ZEB1: variants seen among roughly 807,000 people sequenced by gnomAD.
ZEB1 encodes the protein zinc finger E-box binding homeobox 1.
ZEB1 carries 21 observed loss-of-function variants against 84.9 expected under a neutral mutation model. The ratio of observed to expected loss-of-function variants is 0.25; its 90% confidence interval spans 0.18 to 0.36. The LOEUF is 0.36. Ranked by LOEUF, ZEB1 falls within the 10% of genes least tolerant of loss-of-function variation. The pLI is 1.00. For missense variants in ZEB1, 1,104 were observed against 1,330.2 expected (o/e 0.83, Z 2.65); for synonymous variants, 420 against 471.1 (o/e 0.89, Z 1.41).
chr10:31,419,501 A>C (rs1027216396), intron 1 of ZEB1, among the ~76,000 whole-genome samples: 1 of 152,150 alleles, frequency 6.6e-6, no homozygotes. Flanking sequence ...AGAATGAGTG[A>C]GTATGGGGAC....
chr10:31,366,954 T>G (rs2044629423), intron 1 of ZEB1, among the ~76,000 whole-genome samples: 1 of 152,216 alleles, frequency 6.6e-6, no homozygotes, highest in Admixed American at 6.5e-5. Flanking sequence ...GCTCAAATAT[T>G]TGATAATTGC....
At chr10:31,508,714 G>A (rs1201037487) in intron 4 of ZEB1, among the ~76,000 whole-genome samples, 2 of 152,128 alleles carry the variant, frequency 1.3e-5, no homozygotes, top group Non-Finnish European at 2.9e-5. Flanking sequence ...CAGGCCACCA[G>A]CAGAGTGCTC....
At chr10:31,386,196 T>A (rs1056372829) in intron 1 of ZEB1, among the ~76,000 whole-genome samples, 4 of 151,822 alleles carry the variant, frequency 2.6e-5, no homozygotes, top group Admixed American at 1.3e-4. Flanking sequence ...TATTTGATAT[T>A]TAATAATATA....
chr10:31,476,905 G>A lies in ZEB1; in HGVS notation c.259+15668G>A, dbSNP rs577648145. Among the ~76,000 whole-genome samples the A allele has an allele frequency of 1.1e-4, 16 of 152,052 alleles. No individual in the cohort carries two copies. The East Asian group carries it at 1.7e-3, about 17-fold the overall frequency. On this transcript the variant is annotated intron_variant, in intron 2 of 8. Coordinates refer to ENST00000424869, the MANE Select transcript of ZEB1 (RefSeq NM_001174096.2). ...CTCAAAAACTAGGCATTGAAGGAAC[G>A]TACCTAAAAATAGTAAGAATCATAT... is the stretch of plus-strand genomic sequence containing the variant.
At chr10:31,368,235 G>A (rs1245384281) in intron 1 of ZEB1, among the ~76,000 whole-genome samples, 4 of 152,058 alleles carry the variant, frequency 2.6e-5, no homozygotes, top group African/African-American at 9.7e-5. Context: ...GCTTACTGCA[G>A]CCTCGACCTC....
At chr10:31,366,512 A>G (rs1564609707) in intron 1 of ZEB1, among the ~76,000 whole-genome samples, 1 of 152,156 alleles carries the variant, frequency 6.6e-6, no homozygotes, top group Non-Finnish European at 1.5e-5. Flanking sequence ...CCAGGGTTAC[A>G]CTATCATAAC....
intron 1 of ZEB1, among the ~76,000 whole-genome samples, chr10:31,347,785 T>C (rs1248300391): frequency 6.6e-6 from 1 of 152,160 alleles, no homozygotes; most frequent in Non-Finnish European, 1.5e-5. Context: ...TCTGACAAGT[T>C]GGATTTTTAT....
intron 1 of ZEB1, among the ~76,000 whole-genome samples, chr10:31,410,176 A>G (rs1415939634): frequency 6.6e-6 from 1 of 152,182 alleles, no homozygotes; most frequent in Non-Finnish European, 1.5e-5. Flanking sequence ...GTTTTGAGTT[A>G]CGTTCCATCA....
At chr10:31,498,562 C>T (rs1290411375) in intron 3 of ZEB1, among the ~76,000 whole-genome samples, 1 of 151,924 alleles carries the variant, frequency 6.6e-6, no homozygotes, top group Non-Finnish European at 1.5e-5. Flanking sequence ...CTTACAACAA[C>T]CCTAAGAGGT....
chr10:31,502,742 T>C (rs998024953), intron 4 of ZEB1, among the ~76,000 whole-genome samples: 2 of 152,190 alleles, frequency 1.3e-5, no homozygotes, highest in African/African-American at 4.8e-5. Context: ...GTGAAATGCT[T>C]AGAACAGTGT....
intron 1 of ZEB1, among the ~76,000 whole-genome samples, chr10:31,457,901 C>T (rs897842489): frequency 6.6e-6 from 1 of 152,128 alleles, no homozygotes; most frequent in African/African-American, 2.4e-5. Flanking sequence ...CCAAGGTCAA[C>T]CAGAGAACCT....
At chr10:31,319,512 T>G in intron 1 of ZEB1, 3 of 557,076 alleles carry the variant, frequency 5.4e-6, no homozygotes, top group Non-Finnish European at 6.4e-6. Flanking sequence ...TTATGTCTCT[T>G]ACCTGGTCTC....
At chr10:31,446,200 G>C (rs1250490049) in intron 1 of ZEB1, among the ~76,000 whole-genome samples, 1 of 152,166 alleles carries the variant, frequency 6.6e-6, no homozygotes, top group African/African-American at 2.4e-5. Flanking sequence ...TAGTTTATTT[G>C]CATAGAGCTG....
In ZEB1 at chr10:31,486,694, A is replaced by G. The variant is rs1220441345; in HGVS notation, c.260-9082A>G. 2.7e-5 allele frequency among the ~76,000 whole-genome samples: 4 copies of G among 150,942 alleles called. No homozygotes were observed. In the Admixed American group the frequency reaches 2.7e-4, roughly 10 times the overall value. ...GAGTTACTTATTTTATTAAATTTTG[A>G]GAGTTCTTTAGAGTTGTAGTAAAGA... On this transcript the variant is annotated intron_variant, in intron 2 of 8. Transcript: ENST00000424869.
Position 31,510,766 on chromosome 10 carries a change from G to A in ZEB1, c.578G>A (p.Arg193His), listed in dbSNP as rs753521729. 2.4e-5 allele frequency: 38 copies of A among 1,613,566 alleles called. No individual in the cohort carries two copies. The highest frequency in any genetic ancestry group is 1.6e-4 in the Middle Eastern group (1 of 6,080). The change falls in exon 5 of 9, where the codon CGT (arginine) becomes CAT (histidine). Residue 193 changes from arginine (R) to histidine (H), a missense_variant. Arg to His is a conservative substitution (Grantham distance 29, BLOSUM62 0). This residue lies in a region of ZEB1 where 71 missense variants were observed against 119.1 expected (regional missense o/e 0.60). Coordinates refer to ENST00000424869, the MANE Select transcript of ZEB1 (RefSeq NM_001174096.2). The part of the protein sequence containing the change: ...FTSLKEHIKY[R>H]HEKNEDNFSC... ...TCTCTGAAAGAACACATTAAATATCGTCATGAAAAGAATGAAGATAACTTT... is the reference window on the plus strand; with the variant it reads ...TCTCTGAAAGAACACATTAAATATCATCATGAAAAGAATGAAGATAACTTT...
In ZEB1 at chr10:31,514,591, C is replaced by G; in HGVS notation, c.688-12C>G. 1 of 1,609,286 alleles carries G rather than the reference C, an allele frequency of 6.2e-7. No homozygotes were observed. The highest frequency in any genetic ancestry group is 8.5e-7 in the Non-Finnish European group (1 of 1,176,388). ...TTGCTTTTCAAATAAAATACCAGTT[C>G]TTTTCTTACAGAGACATGTGACGCA... On this transcript the variant is annotated splice_polypyrimidine_tract_variant and intron_variant, in intron 5 of 8. Coordinates refer to ENST00000424869, the MANE Select transcript of ZEB1 (RefSeq NM_001174096.2).
chr10:31,341,039 G>C (rs1415547377), intron 1 of ZEB1, among the ~76,000 whole-genome samples: 1 of 152,138 alleles, frequency 6.6e-6, no homozygotes, highest in Non-Finnish European at 1.5e-5. Flanking sequence ...CCAAATCATG[G>C]AAGCTTTTTA....
intron 1 of ZEB1, among the ~76,000 whole-genome samples, chr10:31,330,501 T>C (rs1306423684): frequency 6.6e-6 from 1 of 152,236 alleles, no homozygotes; most frequent in African/African-American, 2.4e-5. Flanking sequence ...CAAGGTTTCT[T>C]ATTTCCTACA....
intron 1 of ZEB1, among the ~76,000 whole-genome samples, chr10:31,413,965 T>G (rs774535550): frequency 2.6e-5 from 4 of 152,224 alleles, no homozygotes; most frequent in Non-Finnish European, 5.9e-5. Flanking sequence ...CCTCTTTTCC[T>G]GTCAGCCCTG....
Sources: allele counts gnomAD v4.1 joint callset (sites outside exome capture counted in the v4.1 genomes callset), GRCh38; gene constraint gnomAD v4.1.1; regional missense constraint gnomAD v4.1.1; transcripts MANE v1.5; gene names NCBI Gene and HGNC (gene_info 2026-07-23, HGNC 2026-07-21).